Variants in USP3 observed in about 807,000 individuals in gnomAD.
The protein encoded by USP3 is ubiquitin specific peptidase 3.
USP3 carries 20 observed loss-of-function variants against 72.3 expected under a neutral mutation model. That is an observed-to-expected ratio of 0.28 (90% confidence interval 0.19 to 0.40). The LOEUF (loss-of-function observed/expected upper bound fraction) is 0.40. Ranked by LOEUF, USP3 falls within the 10% of genes least tolerant of loss-of-function variation. The pLI, the probability that USP3 is intolerant of heterozygous loss-of-function variation, is 1.00. For synonymous variants in USP3, 222 were observed against 225.3 expected, an observed-to-expected ratio of 0.99 and a Z score of 0.13; for missense variants, 479 against 633.9, an observed-to-expected ratio of 0.76 and a Z score of 2.62.
At chr15:63,520,451 A>G (rs780850984) in intron 1 of USP3, among the ~76,000 whole-genome samples, 12 of 152,156 alleles carry the variant, frequency 7.9e-5, no homozygotes, top group Non-Finnish European at 1.8e-4. Flanking sequence ...GAAAACATAA[A>G]AAGTACTATG....
rs1595741230 is a variant in USP3 at position 63,552,717 on chromosome 15, C to G, written c.285-998C>G. ...GTGTAATCTTCTAAAATTACTTTTCCCCACCCCTTTCTCTCTCTTTCTTTC... is the reference window on the plus strand; with the variant it reads ...GTGTAATCTTCTAAAATTACTTTTCGCCACCCCTTTCTCTCTCTTTCTTTC... On this transcript the variant is annotated intron_variant, in intron 3 of 14. Coordinates refer to ENST00000380324, the MANE Select transcript of USP3 (RefSeq NM_006537.4). 2.0e-5 allele frequency among the ~76,000 whole-genome samples: 3 copies of G among 151,996 alleles called. No homozygotes were observed. The East Asian group carries it at 5.8e-4, about 29-fold the overall frequency.
intron 9 of USP3, among the ~76,000 whole-genome samples, chr15:63,573,279 T>C (rs950400450): frequency 2.6e-5 from 4 of 151,770 alleles, no homozygotes; most frequent in African/African-American, 7.3e-5. Context: ...CATACACAAC[T>C]CTCTCATCTA....
At chr15:63,509,242 G>A (rs1317085427) in intron 1 of USP3, among the ~76,000 whole-genome samples, 2 of 152,064 alleles carry the variant, frequency 1.3e-5, no homozygotes, top group African/African-American at 2.4e-5. Context: ...CTGCTTTTTA[G>A]TAACATTCTA....
At chr15:63,547,858 G>GGC (rs2066370022) in intron 3 of USP3, among the ~76,000 whole-genome samples, 9 of 96,172 alleles carry the variant, frequency 9.4e-5, no homozygotes, top group African/African-American at 3.1e-4. Flanking sequence ...GAGAGAGAGA[G>GGC]AGAGGCATAG....
At chr15:63,519,931 G>T (rs2065897686) in intron 1 of USP3, among the ~76,000 whole-genome samples, 1 of 152,002 alleles carries the variant, frequency 6.6e-6, no homozygotes, top group African/African-American at 2.4e-5. Flanking sequence ...TTTAGCTGGT[G>T]GGAGCACCCT....
At chr15:63,543,406 G>C (rs1301243003) in intron 3 of USP3, among the ~76,000 whole-genome samples, 1 of 152,188 alleles carries the variant, frequency 6.6e-6, no homozygotes, top group African/African-American at 2.4e-5. Context: ...TGTACTGGCA[G>C]TATGGGAAGA....
chr15:63,542,103 G>A, intron 3 of USP3: 1 of 984,992 alleles, frequency 1.0e-6, no homozygotes, highest in Non-Finnish European at 1.2e-6. Flanking sequence ...GTTCTTCAAG[G>A]ACATGATGTG....
At chr15:63,527,278 A>G (rs985253296) in intron 1 of USP3, among the ~76,000 whole-genome samples, 2 of 152,204 alleles carry the variant, frequency 1.3e-5, no homozygotes, top group Non-Finnish European at 2.9e-5. Context: ...TAGACCCAGA[A>G]TGGTAGTGAT....
intron 8 of USP3, among the ~76,000 whole-genome samples, chr15:63,568,182 T>C (rs2066723447): frequency 1.3e-5 from 2 of 151,758 alleles, no homozygotes; most frequent in African/African-American, 4.8e-5. Flanking sequence ...TGAAACCCCG[T>C]CTCTACCAAA....
intron 2 of USP3, among the ~76,000 whole-genome samples, chr15:63,536,329 C>T (rs1325450007): frequency 2.0e-5 from 3 of 152,054 alleles, no homozygotes; most frequent in African/African-American, 7.2e-5. Flanking sequence ...GTTTCTCTGA[C>T]TCTCACACTT....
At chr15:63,519,122 T>C (rs1246389268) in intron 1 of USP3, among the ~76,000 whole-genome samples, 1 of 152,178 alleles carries the variant, frequency 6.6e-6, no homozygotes, top group Admixed American at 6.5e-5. Context: ...TTGATACTGA[T>C]AGAATGCTGT....
intron 1 of USP3, among the ~76,000 whole-genome samples, chr15:63,525,760 G>A (rs973290414): frequency 2.6e-5 from 4 of 152,198 alleles, no homozygotes; most frequent in Admixed American, 1.3e-4. Flanking sequence ...TGGAAGGTAA[G>A]TTAGGTCCGT....
intron 1 of USP3, among the ~76,000 whole-genome samples, chr15:63,531,718 A>G (rs148998324): frequency 6.6e-6 from 1 of 152,268 alleles, no homozygotes; most frequent in Non-Finnish European, 1.5e-5. Context: ...ACAAATATTT[A>G]TTGAGCATCT....
chr15:63,568,564 A>T (rs1414591724), intron 8 of USP3, among the ~76,000 whole-genome samples: 1 of 152,200 alleles, frequency 6.6e-6, no homozygotes, highest in Non-Finnish European at 1.5e-5. Flanking sequence ...ATGATTATAA[A>T]ACAAGAGAAA....
intron 11 of USP3, among the ~76,000 whole-genome samples, chr15:63,578,408 T>G (rs1294373900): frequency 6.7e-6 from 1 of 150,014 alleles, no homozygotes; most frequent in Non-Finnish European, 1.5e-5. Context: ...ATAGAGACCA[T>G]CCTGGCTAAC....
rs1196210502 is a variant in USP3 at position 63,528,272 on chromosome 15, G to A, written c.92-4375G>A. The A allele has an allele frequency of 1.3e-5, 2 of 152,206 alleles. No homozygotes were observed. The highest frequency in any genetic ancestry group is 4.8e-5 in the African/African-American group (2 of 41,436). 9.4% of individuals were successfully genotyped at this position (152,206 alleles called of 1,614,324 possible). A position where few individuals can be genotyped will look rare whatever the true frequency, so the allele number is the denominator to read the frequency against. On this transcript the variant is annotated intron_variant, in intron 1 of 14. Coordinates refer to ENST00000380324, the MANE Select transcript of USP3 (RefSeq NM_006537.4). The surrounding 1 kb of genome is among the most constrained non-coding windows in gnomAD (Gnocchi z 4.3). ...AAATTTTACAATCTGAGTAAAAGAT[G>A]AGTTTCACTTATGAGACTCCCAGTC...
In USP3 at chr15:63,572,654, G is replaced by C. The variant is rs1432923510; in HGVS notation, c.909-1392G>C. Among the ~76,000 whole-genome samples the C allele has an allele frequency of 3.9e-5, 6 of 152,132 alleles. No homozygotes were observed. In the East Asian group the frequency reaches 1.2e-3, roughly 29 times the overall value. ...AGTAGGTTTTGTCATCATTGCAGTA[G>C]GTTTAACTTAAAGTGGCCTAGAAAA... On this transcript the variant is annotated intron_variant, in intron 9 of 14. Coordinates refer to ENST00000380324, the MANE Select transcript of USP3 (RefSeq NM_006537.4).
chr15:63,532,609 G>T, intron 1 of USP3, 38 bp from the exon 2 acceptor site: 1 of 1,609,244 alleles, frequency 6.2e-7, no homozygotes, highest in Non-Finnish European at 8.5e-7. Context: ...GAAATAACAT[G>T]ATGCAATTGG....
At chr15:63,569,647 C>T (rs985443814) in intron 8 of USP3, among the ~76,000 whole-genome samples, 11 of 152,110 alleles carry the variant, frequency 7.2e-5, no homozygotes, top group African/African-American at 2.7e-4. Flanking sequence ...GCAATGCTTT[C>T]TTTATTTCAT....
Sources: gnomAD v4.1 joint callset for allele counts (sites outside exome capture counted in the v4.1 genomes callset) on GRCh38, gnomAD v4.1.1 for gene constraint, Gnocchi (gnomAD v3.1) non-coding constraint, MANE v1.5 for transcripts, NCBI Gene and HGNC (gene_info 2026-07-23, HGNC 2026-07-21) for gene names.